The following PTPN14 variants were observed in gnomAD, a reference collection of about 807,000 sequenced individuals.
The protein encoded by PTPN14 is protein tyrosine phosphatase non-receptor type 14.
Under a neutral mutation model 126.8 loss-of-function variants are expected in PTPN14, and 53 were observed. The observed-to-expected ratio is 0.42, with a 90% CI of 0.34 to 0.53. PTPN14 has a LOEUF of 0.53. Among genes scored for constraint, PTPN14 ranks in the 20% least tolerant of loss-of-function variants. The pLI is 0.08. For missense variants in PTPN14, 1,257 were observed against 1,552.9 expected (o/e 0.81, Z 3.20); for synonymous variants, 630 against 599.3 (o/e 1.05, Z -0.75).
chr1:214,496,816 T>C (rs528963133), intron 1 of PTPN14, among the ~76,000 whole-genome samples: 12 of 152,084 alleles, frequency 7.9e-5, no homozygotes, highest in Non-Finnish European at 1.5e-4. Flanking sequence ...TGGTAAGTTA[T>C]AAAAATCCTA....
intron 1 of PTPN14, among the ~76,000 whole-genome samples, chr1:214,516,526 T>C (rs1655106878): frequency 6.6e-6 from 1 of 152,214 alleles, no homozygotes; most frequent in African/African-American, 2.4e-5. Flanking sequence ...TTAAGATATG[T>C]TGACTTTCCT....
chr1:214,394,785 TCAAGGGAG>T (rs1658838960), intron 9 of PTPN14, 106 bp downstream of exon 9: 1 of 935,390 alleles, frequency 1.1e-6, no homozygotes, highest in Non-Finnish European at 1.7e-6. Context: ...AAGCATCTCT[TCAAGGGAG>T]TATTTATTAT....
chr1:214,494,340 G>T (rs1558128698), intron 1 of PTPN14, among the ~76,000 whole-genome samples: 1 of 152,144 alleles, frequency 6.6e-6, no homozygotes, highest in Admixed American at 6.5e-5. Flanking sequence ...GGGATTACAG[G>T]TGTGAGCCAC....
intron 1 of PTPN14, among the ~76,000 whole-genome samples, chr1:214,484,048 T>G (rs1004652141): frequency 3.9e-5 from 6 of 152,152 alleles, no homozygotes; most frequent in Admixed American, 6.6e-5. Context: ...GTAGAATGGG[T>G]CTAGAAAATA....
At position 214,398,116 on chromosome 1, in the gene PTPN14, A is replaced by G. The variant is rs557998341; in HGVS notation, c.670-115T>C. ...TCCATCCACAGATGAATGGATAAAG[A>G]AAACGTGGTACATGTGTGTACAAGG... On this transcript the variant is annotated intron_variant, in intron 7 of 18. Coordinates refer to ENST00000366956, the MANE Select transcript of PTPN14 (RefSeq NM_005401.5). 1.2e-4 allele frequency: 93 copies of G among 795,586 alleles called. No individual in the cohort carries two copies. In the African/African-American group the frequency reaches 1.5e-3, roughly 12 times the overall value. The allele number at this position is 795,586 out of a possible 1,614,324, so 49.3% of individuals were successfully genotyped here.
At chr1:214,435,498 A>G (rs1454926094) in intron 3 of PTPN14, among the ~76,000 whole-genome samples, 1 of 149,160 alleles carries the variant, frequency 6.7e-6, no homozygotes, top group East Asian at 1.9e-4. Flanking sequence ...GAAACCCTTT[A>G]AAAAAAAAAG....
At chr1:214,440,572 C>T (rs2102619974) in intron 3 of PTPN14, among the ~76,000 whole-genome samples, 1 of 152,308 alleles carries the variant, frequency 6.6e-6, no homozygotes, top group East Asian at 1.9e-4. Context: ...TTCAAATGAG[C>T]ACTTAGGGAA....
chr1:214,501,875 C>T (rs1188006267), intron 1 of PTPN14, among the ~76,000 whole-genome samples: 3 of 151,846 alleles, frequency 2.0e-5, no homozygotes, highest in African/African-American at 7.3e-5. Flanking sequence ...CTGGCTAACA[C>T]GGTGAAACCC....
At chr1:214,534,653 C>G (rs541990229) in intron 1 of PTPN14, among the ~76,000 whole-genome samples, 1 of 151,838 alleles carries the variant, frequency 6.6e-6, no homozygotes, top group Non-Finnish European at 1.5e-5. Context: ...GCGGAGCTTG[C>G]AGTGAGCCAA....
chr1:214,460,616 CACACACACA>C, intron 2 of PTPN14, among the ~76,000 whole-genome samples: 1 of 7,376 alleles, frequency 1.4e-4, no homozygotes, highest in East Asian at 3.1e-3. Flanking sequence ...CACACATACA[CACACACACA>C]TACACACACA....
intron 3 of PTPN14, among the ~76,000 whole-genome samples, chr1:214,429,565 G>A (rs1659750332): frequency 6.6e-6 from 1 of 152,180 alleles, no homozygotes; most frequent in African/African-American, 2.4e-5. Context: ...GTTCAGTGCT[G>A]TATTACCAGT....
intron 1 of PTPN14, among the ~76,000 whole-genome samples, chr1:214,521,936 C>CTTTTT (rs367888207): frequency 2.0e-5 from 2 of 99,920 alleles, no homozygotes; most frequent in Non-Finnish European, 1.9e-5. Context: ...AAATCTGAAG[C>CTTTTT]TTTTTTTTTT....
intron 1 of PTPN14, among the ~76,000 whole-genome samples, chr1:214,525,812 G>A (rs781121044): frequency 9.2e-5 from 14 of 152,140 alleles, no homozygotes; most frequent in Non-Finnish European, 1.2e-4. Flanking sequence ...TTCCACAGGC[G>A]TGCACTTTCC....
chr1:214,539,268 CAT>C (rs1394150971), intron 1 of PTPN14, among the ~76,000 whole-genome samples: 2 of 152,128 alleles, frequency 1.3e-5, no homozygotes, highest in African/African-American at 4.8e-5. Flanking sequence ...TGTTCCATAA[CAT>C]AGATTTTTTT....
intron 3 of PTPN14, among the ~76,000 whole-genome samples, chr1:214,441,234 G>A (rs953776576): frequency 2.6e-5 from 4 of 152,204 alleles, no homozygotes; most frequent in African/African-American, 9.6e-5. Context: ...AATAATCTGA[G>A]ATACTTAGCA....
chr1:214,383,917 C>T lies in PTPN14; in HGVS notation c.1938G>A (p.Met646Ile). ...CCTCCATGCCCCGCACCATGCTGTT[C>T]ATCACCTCCAGGCTGTGGCGCTTGT... The part of the protein sequence containing the change: ...TVNKRHSLEV[M>I]NSMVRGMEAM... The change falls in exon 13 of 19, where the codon ATG (methionine) becomes ATA (isoleucine). Residue 646 changes from methionine (M) to isoleucine (I), a missense_variant. Coordinates refer to ENST00000366956, the MANE Select transcript of PTPN14 (RefSeq NM_005401.5). This position sits in a 1 kb window ranked among gnomAD's most constrained non-coding sequence, Gnocchi z 4.4. 1.2e-6 allele frequency: 2 copies of T among 1,613,434 alleles called. No individual in the cohort carries two copies. The highest frequency in any genetic ancestry group is 1.7e-6 in the Non-Finnish European group (2 of 1,180,000).
At chr1:214,453,431 A>C (rs1165960523) in intron 2 of PTPN14, among the ~76,000 whole-genome samples, 1 of 152,194 alleles carries the variant, frequency 6.6e-6, no homozygotes, top group African/African-American at 2.4e-5. Flanking sequence ...ACTTTACACA[A>C]GTCATTGAGC....
At chr1:214,378,187 T>C in intron 13 of PTPN14, 85 bp from the exon 14 acceptor site, 1 of 1,441,932 alleles carries the variant, frequency 6.9e-7, no homozygotes. Context: ...AATCTGTAAC[T>C]CCCCAGCCAA....
chr1:214,431,402 T>C (rs1478301340), intron 3 of PTPN14, among the ~76,000 whole-genome samples: 1 of 152,192 alleles, frequency 6.6e-6, no homozygotes, highest in Non-Finnish European at 1.5e-5. Flanking sequence ...TTTCTGTTTA[T>C]TAACCAGTAT....
Sources: allele counts gnomAD v4.1 joint callset (sites outside exome capture counted in the v4.1 genomes callset), GRCh38; gene constraint gnomAD v4.1.1; non-coding constraint Gnocchi (gnomAD v3.1); transcripts MANE v1.5; gene names NCBI Gene and HGNC (gene_info 2026-07-23, HGNC 2026-07-21).